LRRC4C: variants seen among roughly 807,000 people sequenced by gnomAD.
LRRC4C encodes leucine rich repeat containing 4C.
In LRRC4C, 5 loss-of-function variants were observed where a neutral mutation model predicts 33.6. The observed-to-expected ratio is 0.15, with a 90% CI of 0.08 to 0.31. The LOEUF is 0.31. Among genes scored for constraint, LRRC4C ranks in the 10% least tolerant of loss-of-function variants. The probability of loss-of-function intolerance (pLI) is 1.00; values close to 1 mark genes in which losing one functional copy is unlikely to be tolerated. For synonymous variants in LRRC4C, 329 were observed against 302.0 expected (o/e 1.09, Z -0.93); for missense variants, 560 against 796.7 (o/e 0.70, Z 3.58).
chr11:40,335,947 A>G (rs1439531931), intron 3 of LRRC4C, among the ~76,000 whole-genome samples: 1 of 152,208 alleles, frequency 6.6e-6, no homozygotes, highest in Non-Finnish European at 1.5e-5. Flanking sequence ...TAAAATGTAG[A>G]CACTAATAGC....
intron 1 of LRRC4C, among the ~76,000 whole-genome samples, chr11:40,982,298 T>TA (rs1371444795): frequency 2.0e-5 from 3 of 152,190 alleles, no homozygotes; most frequent in African/African-American, 7.2e-5. Flanking sequence ...TTATTCTCCT[T>TA]AAAAAATACA....
At chr11:40,718,208 C>T (rs1259135032) in intron 2 of LRRC4C, among the ~76,000 whole-genome samples, 1 of 152,060 alleles carries the variant, frequency 6.6e-6, no homozygotes, top group Admixed American at 6.5e-5. Context: ...ATTTTGTTCA[C>T]CAGGGAGGAT....
At chr11:40,432,949 G>GA (rs1266553227) in intron 3 of LRRC4C, among the ~76,000 whole-genome samples, 1 of 151,402 alleles carries the variant, frequency 6.6e-6, no homozygotes. Flanking sequence ...TTTTCATCTT[G>GA]AATGGATATA....
intron 2 of LRRC4C, among the ~76,000 whole-genome samples, chr11:40,846,578 T>G (rs1367543253): frequency 6.6e-6 from 1 of 151,382 alleles, no homozygotes; most frequent in Non-Finnish European, 1.5e-5. Context: ...TTGGTTGCTG[T>G]AGCCTTGTAA....
rs970433706 is a variant in LRRC4C at position 41,000,847 on chromosome 11, C to T, written c.-495-67124G>A. On this transcript the variant is annotated intron_variant, in intron 1 of 6. Coordinates refer to ENST00000528697, the MANE Select transcript of LRRC4C (RefSeq NM_001258419.2). ...TACTTTTGGCAGAGAGAAGATAAGT[C>T]GAAATGTGCCAAAGTCCCATAGTGC... Among the ~76,000 whole-genome samples the T allele has an allele frequency of 5.3e-5, 8 of 152,052 alleles. No individual in the cohort carries two copies. In the East Asian group the frequency reaches 1.3e-3, roughly 26 times the overall value.
At chr11:41,081,492 G>A (rs1239349704) in intron 1 of LRRC4C, among the ~76,000 whole-genome samples, 1 of 152,090 alleles carries the variant, frequency 6.6e-6, no homozygotes, top group African/African-American at 2.4e-5. Flanking sequence ...TTCTGCTTGA[G>A]GAGTCATTTC....
In LRRC4C at chr11:40,849,850, C is replaced by A. The variant is rs868503113; in HGVS notation, c.-407+83785G>T. Among the ~76,000 whole-genome samples, 5 of 151,656 alleles carry A rather than the reference C, an allele frequency of 3.3e-5. No individual in the cohort carries two copies. In the South Asian group the frequency reaches 6.3e-4, roughly 19 times the overall value. ...TTGTTCTTTTCATTTTTTCTCTAAT[C>A]TTTTCTTCACACTTTATTTCAATAA... On this transcript the variant is annotated intron_variant, in intron 2 of 6. Coordinates refer to ENST00000528697, the MANE Select transcript of LRRC4C (RefSeq NM_001258419.2).
At chr11:41,360,860 T>C (rs766031655) in intron 1 of LRRC4C, among the ~76,000 whole-genome samples, 27 of 152,180 alleles carry the variant, frequency 1.8e-4, no homozygotes, top group Non-Finnish European at 3.4e-4. Context: ...ACTCCACTTG[T>C]TCAAATTTTA....
chr11:40,178,115 G>A (rs933516295), intron 5 of LRRC4C, among the ~76,000 whole-genome samples: 1 of 152,172 alleles, frequency 6.6e-6, no homozygotes, highest in Non-Finnish European at 1.5e-5. Flanking sequence ...TCAATAGCAT[G>A]AGTCAAATAG....
intron 1 of LRRC4C, among the ~76,000 whole-genome samples, chr11:40,964,100 A>T (rs529609019): frequency 6.6e-6 from 1 of 151,600 alleles, no homozygotes; most frequent in African/African-American, 2.4e-5. Flanking sequence ...CAGTTTCTTC[A>T]TCTATCAAAC....
chr11:40,971,595 G>A (rs2136995133), intron 1 of LRRC4C, among the ~76,000 whole-genome samples: 1 of 152,272 alleles, frequency 6.6e-6, no homozygotes, highest in African/African-American at 2.4e-5. Context: ...TATGGGTTTG[G>A]AGCTCTGACA....
intron 3 of LRRC4C, among the ~76,000 whole-genome samples, chr11:40,323,584 G>A (rs930105969): frequency 6.6e-5 from 10 of 152,202 alleles, no homozygotes; most frequent in African/African-American, 2.4e-4. Flanking sequence ...GTTATAAAAT[G>A]CAGCTAGCAA....
rs188841964 is a variant in LRRC4C, at chr11:40,536,922, C to T, written c.-270+111220G>A. 9.9e-5 allele frequency among the ~76,000 whole-genome samples: 15 copies of T among 152,240 alleles called. No homozygotes were observed. The East Asian group carries it at 2.5e-3, about 26-fold the overall frequency. ...TACCTTTTGGTTCATTGTCAACTAC[C>T]CTTTCTGGAATATTAGCTTCATGGG... On this transcript the variant is annotated intron_variant, in intron 3 of 6. Coordinates refer to ENST00000528697, the MANE Select transcript of LRRC4C (RefSeq NM_001258419.2).
chr11:41,280,584 T>C (rs575244263), intron 1 of LRRC4C, among the ~76,000 whole-genome samples: 3 of 152,344 alleles, frequency 2.0e-5, no homozygotes, highest in African/African-American at 4.8e-5. Flanking sequence ...GATATCATTA[T>C]AGACAAATTT....
At chr11:40,203,530 G>T (rs1436743305) in intron 5 of LRRC4C, among the ~76,000 whole-genome samples, 1 of 152,136 alleles carries the variant, frequency 6.6e-6, no homozygotes, top group Non-Finnish European at 1.5e-5. Context: ...TGAGGTAGTT[G>T]GTTACTAAAA....
intron 1 of LRRC4C, among the ~76,000 whole-genome samples, chr11:41,390,449 A>T (rs1953545773): frequency 6.6e-6 from 1 of 151,838 alleles, no homozygotes; most frequent in Non-Finnish European, 1.5e-5. Context: ...CCTGCCTGTC[A>T]CTACCCTGCC....
chr11:40,219,216 G>A (rs1457154824), intron 5 of LRRC4C, among the ~76,000 whole-genome samples: 3 of 152,042 alleles, frequency 2.0e-5, no homozygotes, highest in Non-Finnish European at 2.9e-5. Context: ...AGTCACACTC[G>A]GTTTATTTCA....
intron 1 of LRRC4C, among the ~76,000 whole-genome samples, chr11:41,425,417 G>A (rs539384116): frequency 7.9e-5 from 12 of 152,136 alleles, no homozygotes; most frequent in South Asian, 4.1e-4. Context: ...ATGAATTACC[G>A]TTCTGGGCCT....
chr11:40,549,175 G>C lies in LRRC4C; in HGVS notation c.-270+98967C>G, dbSNP rs1302985112. On this transcript the variant is annotated intron_variant, in intron 3 of 6. Coordinates refer to ENST00000528697, the MANE Select transcript of LRRC4C (RefSeq NM_001258419.2). ...TTAAATTATGTTTGTCCTAATCAAA[G>C]AAGATTTCCTTCCTTTATAACCTAT... is the stretch of plus-strand genomic sequence containing the variant. Among the ~76,000 whole-genome samples the C allele has an allele frequency of 2.0e-5, 3 of 152,218 alleles. No individual in the cohort carries two copies. The East Asian group carries it at 5.8e-4, about 29-fold the overall frequency.
Sources: allele counts gnomAD v4.1 joint callset (sites outside exome capture counted in the v4.1 genomes callset), GRCh38; gene constraint gnomAD v4.1.1; transcripts MANE v1.5; gene names NCBI Gene and HGNC (gene_info 2026-07-23, HGNC 2026-07-21).